The following SLC10A7 variants were observed in gnomAD, a reference collection of about 807,000 sequenced individuals.
The protein encoded by SLC10A7 is sodium/bile acid cotransporter 7.
Under a neutral mutation model 43.2 loss-of-function variants are expected in SLC10A7, and 29 were observed. The ratio of observed to expected loss-of-function variants is 0.67; its 90% confidence interval spans 0.50 to 0.92. The LOEUF (loss-of-function observed/expected upper bound fraction) is 0.92. SLC10A7 is among the 40% of genes least tolerant of loss of function. SLC10A7 has a pLI of 0.00. For synonymous variants in SLC10A7, 152 were observed against 144.8 expected (o/e 1.05, Z -0.35); for missense variants, 295 against 403.2 (o/e 0.73, Z 2.30).
chr4:146,404,913 T>C (rs1348692641), intron 5 of SLC10A7, among the ~76,000 whole-genome samples: 1 of 152,226 alleles, frequency 6.6e-6, no homozygotes, highest in Non-Finnish European at 1.5e-5. Flanking sequence ...GTACATTTCA[T>C]GTGAAAAGAG....
At chr4:146,389,101 C>T (rs2149800978) in intron 5 of SLC10A7, among the ~76,000 whole-genome samples, 1 of 152,242 alleles carries the variant, frequency 6.6e-6, no homozygotes, top group Non-Finnish European at 1.5e-5. Flanking sequence ...CGTGTTCTTA[C>T]TCACAAGCGG....
At chr4:146,354,493 C>G (rs1049042741) in intron 5 of SLC10A7, among the ~76,000 whole-genome samples, 1 of 150,646 alleles carries the variant, frequency 6.6e-6, no homozygotes, top group African/African-American at 2.5e-5. Context: ...AATGCCATCC[C>G]CATCAAGCTA....
chr4:146,453,043 A>G (rs1731729630), intron 4 of SLC10A7, among the ~76,000 whole-genome samples: 1 of 151,694 alleles, frequency 6.6e-6, no homozygotes, highest in South Asian at 2.1e-4. Context: ...GTGTATATAT[A>G]TATATATAAA....
At chr4:146,283,061 C>T in intron 10 of SLC10A7, 131 bp downstream of exon 10, 2 of 660,656 alleles carry the variant, frequency 3.0e-6, no homozygotes, top group East Asian at 2.8e-5. Flanking sequence ...CCTCACTTTG[C>T]TACTGTTCCT....
At chr4:146,261,017 C>A (rs1728189715) in intron 10 of SLC10A7, among the ~76,000 whole-genome samples, 1 of 152,204 alleles carries the variant, frequency 6.6e-6, no homozygotes, top group South Asian at 2.1e-4. Context: ...TGAAGGTGGA[C>A]AAATGATCTC....
At chr4:146,267,023 T>C (rs1728602523) in intron 10 of SLC10A7, among the ~76,000 whole-genome samples, 2 of 152,186 alleles carry the variant, frequency 1.3e-5, no homozygotes, top group Non-Finnish European at 2.9e-5. Flanking sequence ...CTTACATTCT[T>C]ACTCATTTAA....
chr4:146,462,938 C>CAGAT (rs1732672714), intron 4 of SLC10A7, among the ~76,000 whole-genome samples: 1 of 152,108 alleles, frequency 6.6e-6, no homozygotes, highest in African/African-American at 2.4e-5. Flanking sequence ...TATGTAAGTT[C>CAGAT]AGATTCTTCA....
intron 4 of SLC10A7, among the ~76,000 whole-genome samples, chr4:146,461,789 G>C (rs1478345585): frequency 7.0e-6 from 1 of 142,298 alleles, no homozygotes; most frequent in African/African-American, 2.6e-5. Flanking sequence ...AAAAAAAAAA[G>C]ATAGGCTAGG....
At chr4:146,303,773 C>T (rs1731326900) in intron 7 of SLC10A7, among the ~76,000 whole-genome samples, 1 of 152,102 alleles carries the variant, frequency 6.6e-6, no homozygotes, top group Non-Finnish European at 1.5e-5. Flanking sequence ...ATGATAGAAG[C>T]TACAGAGCAC....
intron 5 of SLC10A7, among the ~76,000 whole-genome samples, chr4:146,431,312 A>C (rs1049230611): frequency 4.6e-5 from 7 of 152,196 alleles, no homozygotes; most frequent in Non-Finnish European, 1.0e-4. Context: ...TGGCGAAAGC[A>C]ACAAACAGAA....
chr4:146,326,824 C>T (rs1733141866), intron 5 of SLC10A7, among the ~76,000 whole-genome samples: 1 of 151,958 alleles, frequency 6.6e-6, no homozygotes, highest in Non-Finnish European at 1.5e-5. Context: ...CCAGAAAAAA[C>T]ATTTCAGATT....
At chr4:146,478,486 C>A (rs1201875681) in intron 4 of SLC10A7, among the ~76,000 whole-genome samples, 2 of 152,116 alleles carry the variant, frequency 1.3e-5, no homozygotes, top group Non-Finnish European at 2.9e-5. Flanking sequence ...TTTAAGAATT[C>A]ACTGAATGTT....
intron 5 of SLC10A7, among the ~76,000 whole-genome samples, chr4:146,401,912 T>C (rs1397737007): frequency 1.3e-5 from 2 of 152,344 alleles, no homozygotes; most frequent in Admixed American, 6.5e-5. Flanking sequence ...TTTATATTTT[T>C]AAAACCCAGA....
intron 7 of SLC10A7, among the ~76,000 whole-genome samples, chr4:146,299,159 G>A (rs1452534457): frequency 6.6e-6 from 1 of 152,132 alleles, no homozygotes; most frequent in Admixed American, 6.5e-5. Flanking sequence ...CATGTTAAAA[G>A]ATGCATATAA....
chr4:146,331,412 T>C (rs1315212719), intron 5 of SLC10A7, among the ~76,000 whole-genome samples: 1 of 152,208 alleles, frequency 6.6e-6, no homozygotes, highest in Non-Finnish European at 1.5e-5. Flanking sequence ...ATGGAAATGG[T>C]TTCTGTCTAG....
At chr4:146,337,920 C>T (rs561315024) in intron 5 of SLC10A7, among the ~76,000 whole-genome samples, 51 of 151,918 alleles carry the variant, frequency 3.4e-4, no homozygotes, top group Middle Eastern at 3.4e-3. Context: ...TTAGAGTCAA[C>T]GATTACATAT....
At chr4:146,467,145 G>A (rs1320772513) in intron 4 of SLC10A7, among the ~76,000 whole-genome samples, 1 of 152,122 alleles carries the variant, frequency 6.6e-6, no homozygotes, top group Non-Finnish European at 1.5e-5. Context: ...AAGATCTGGT[G>A]TATTAATCTA....
In SLC10A7 at chr4:146,376,276, C is replaced by T. The variant is rs557313216; in HGVS notation, c.436-50280G>A. 1.6e-4 allele frequency among the ~76,000 whole-genome samples: 25 copies of T among 152,170 alleles called. No homozygotes were observed. In the East Asian group the frequency reaches 3.5e-3, roughly 21 times the overall value. On this transcript the variant is annotated intron_variant, in intron 5 of 11. Coordinates refer to ENST00000335472, the MANE Select transcript of SLC10A7 (RefSeq NM_001029998.6). Reference sequence around the variant, plus strand: ...CTAAAGGATTTAGAAGCTCTTTGTCCGATCTTATTGATATGGATAGGAGGA... The same window carrying T: ...CTAAAGGATTTAGAAGCTCTTTGTCTGATCTTATTGATATGGATAGGAGGA...
At chr4:146,322,163 A>G (rs761583384) in intron 6 of SLC10A7, among the ~76,000 whole-genome samples, 3 of 152,148 alleles carry the variant, frequency 2.0e-5, no homozygotes, top group Non-Finnish European at 4.4e-5. Flanking sequence ...CATAATTTTT[A>G]TCAGCATGTT....
Sources: gnomAD v4.1 joint callset for allele counts (sites outside exome capture counted in the v4.1 genomes callset) on GRCh38, gnomAD v4.1.1 for gene constraint, MANE v1.5 for transcripts, NCBI Gene and HGNC (gene_info 2026-07-23, HGNC 2026-07-21) for gene names.